Variants in ZNF804B observed in about 807,000 individuals in gnomAD.
The protein encoded by ZNF804B is zinc finger protein 804B.
Under a neutral mutation model 101.4 loss-of-function variants are expected in ZNF804B, and 80 were observed. The ratio of observed to expected loss-of-function variants is 0.79; its 90% CI spans 0.66 to 0.95. The LOEUF is 0.95. ZNF804B is among the 40% of genes least tolerant of loss of function. The probability of loss-of-function intolerance (pLI) is 0.00; values close to 1 mark genes in which losing one functional copy is unlikely to be tolerated. For missense variants in ZNF804B, 1,673 were observed against 1,561.9 expected (o/e 1.07, Z -1.20); for synonymous variants, 622 against 558.8 (o/e 1.11, Z -1.59).
At chr7:89,203,593 T>C (rs989544378) in intron 1 of ZNF804B, among the ~76,000 whole-genome samples, 2 of 152,108 alleles carry the variant, frequency 1.3e-5, no homozygotes, top group Non-Finnish European at 2.9e-5. Context: ...ATTCTCTAAG[T>C]TTGAAATTAA....
intron 1 of ZNF804B, among the ~76,000 whole-genome samples, chr7:89,033,574 G>T (rs149738780): frequency 6.6e-6 from 1 of 151,830 alleles, no homozygotes; most frequent in Admixed American, 6.6e-5. Context: ...TTAAATTCCC[G>T]CCAACAGTGT....
chr7:89,064,200 G>A (rs1451441897), intron 1 of ZNF804B, among the ~76,000 whole-genome samples: 1 of 152,066 alleles, frequency 6.6e-6, no homozygotes, highest in Non-Finnish European at 1.5e-5. Flanking sequence ...AAATGACTGG[G>A]CTTTTATAAG....
At chr7:88,970,998 AAAAT>A (rs953765177) in intron 1 of ZNF804B, among the ~76,000 whole-genome samples, 1 of 151,108 alleles carries the variant, frequency 6.6e-6, no homozygotes, top group Non-Finnish European at 1.5e-5. Flanking sequence ...AGAACAAAAA[AAAAT>A]AAATAAAATA....
intron 2 of ZNF804B, among the ~76,000 whole-genome samples, chr7:89,257,172 A>G (rs997127375): frequency 5.9e-5 from 9 of 152,158 alleles, no homozygotes; most frequent in Non-Finnish European, 2.9e-5. Flanking sequence ...ACTGAACTAT[A>G]GGATGGAGTT....
intron 1 of ZNF804B, among the ~76,000 whole-genome samples, chr7:89,046,880 GTTA>G (rs1789117478): frequency 6.6e-6 from 1 of 151,892 alleles, no homozygotes; most frequent in Non-Finnish European, 1.5e-5. Flanking sequence ...GTGCAGTCCA[GTTA>G]TTATGATCAA....
intron 1 of ZNF804B, among the ~76,000 whole-genome samples, chr7:88,893,644 T>C (rs901795255): frequency 6.6e-5 from 10 of 152,090 alleles, no homozygotes; most frequent in African/African-American, 1.9e-4. Flanking sequence ...CCAAAGGTAA[T>C]AGGCATAAGG....
At chr7:89,156,943 G>A (rs1386192458) in intron 1 of ZNF804B, among the ~76,000 whole-genome samples, 3 of 152,102 alleles carry the variant, frequency 2.0e-5, no homozygotes, top group Admixed American at 6.6e-5. Context: ...GGAGGAAGGA[G>A]GAGGGAGAAG....
chr7:88,832,228 TATC>T (rs1325821689), intron 1 of ZNF804B, among the ~76,000 whole-genome samples: 2 of 151,864 alleles, frequency 1.3e-5, no homozygotes, highest in East Asian at 3.9e-4. Flanking sequence ...TACAAACAAT[TATC>T]ATAATCATTT....
At chr7:88,929,492 A>G (rs1792851564) in intron 1 of ZNF804B, among the ~76,000 whole-genome samples, 1 of 152,130 alleles carries the variant, frequency 6.6e-6, no homozygotes, top group Middle Eastern at 3.4e-3. Context: ...GATTTCCAAT[A>G]ATGCCATGGA....
rs558442457 is a variant in ZNF804B, at chr7:89,216,838, T to C, written c.109-1317T>C. Among the ~76,000 whole-genome samples the C allele has an allele frequency of 7.6e-4, 116 of 152,330 alleles. No individual in the cohort carries two copies. In the Middle Eastern group the frequency reaches 0.017, roughly 22 times the overall value. ...TGACCCGATTTCTTTCTATTGAGGG[T>C]AGTCGTTTTGGAGAAACAAAGATAA... On this transcript the variant is annotated intron_variant, in intron 1 of 3. Transcript: ENST00000333190.
In ZNF804B at chr7:88,890,435, G is replaced by A. The variant is rs150089038; in HGVS notation, c.108+130351G>A. Among the ~76,000 whole-genome samples the A allele has an allele frequency of 7.6e-4, 115 of 152,212 alleles. 1 individual carries two copies. The highest frequency in any genetic ancestry group is 2.6e-3 in the African/African-American group (109 of 41,560). On this transcript the variant is annotated intron_variant, in intron 1 of 3. Coordinates refer to ENST00000333190, the MANE Select transcript of ZNF804B (RefSeq NM_181646.5). Reference sequence around the variant, plus strand: ...GTATTGCATGGTAAGACCATGTTCAGCTTTGTAAATTGCCAAAATGTCTTC... The same window carrying A: ...GTATTGCATGGTAAGACCATGTTCAACTTTGTAAATTGCCAAAATGTCTTC...
chr7:88,887,865 T>C (rs1392295100), intron 1 of ZNF804B, among the ~76,000 whole-genome samples: 1 of 152,090 alleles, frequency 6.6e-6, no homozygotes, highest in African/African-American at 2.4e-5. Flanking sequence ...GGCTTTGATA[T>C]TAAGTTTTAC....
At chr7:89,293,223 T>C (rs900956098) in intron 2 of ZNF804B, among the ~76,000 whole-genome samples, 5 of 152,104 alleles carry the variant, frequency 3.3e-5, no homozygotes, top group African/African-American at 1.2e-4. Context: ...TCTTTTAGCT[T>C]TTTTGAAATG....
At chr7:89,161,050 C>T (rs1302870178) in intron 1 of ZNF804B, among the ~76,000 whole-genome samples, 1 of 152,048 alleles carries the variant, frequency 6.6e-6, no homozygotes. Flanking sequence ...GGACTCCAAC[C>T]ACCTTTCCTG....
At chr7:88,998,628 C>A (rs772946083) in intron 1 of ZNF804B, among the ~76,000 whole-genome samples, 4 of 151,974 alleles carry the variant, frequency 2.6e-5, no homozygotes, top group Non-Finnish European at 5.9e-5. Context: ...GCCTGCAAAT[C>A]TGATTTTAAG....
chr7:89,069,553 A>G (rs576721491), intron 1 of ZNF804B, among the ~76,000 whole-genome samples: 2 of 152,118 alleles, frequency 1.3e-5, no homozygotes, highest in Non-Finnish European at 2.9e-5. Context: ...AAAATTTTGT[A>G]CTTTTCAAAG....
intron 1 of ZNF804B, among the ~76,000 whole-genome samples, chr7:88,812,000 T>TA (rs1423183969): frequency 2.0e-5 from 3 of 152,198 alleles, no homozygotes; most frequent in African/African-American, 7.2e-5. Context: ...TTGATGATCA[T>TA]ATACCATGTA....
Position 89,312,404 on chromosome 7 carries a change from G to A in ZNF804B, c.250-14940G>A, listed in dbSNP as rs1425179497. ...ATTCACATTCTAGCACATGTCGAAC[G>A]AATCCTCCAGGAATTATCATAACCA... On this transcript the variant is annotated intron_variant, in intron 2 of 3. Coordinates refer to ENST00000333190, the MANE Select transcript of ZNF804B (RefSeq NM_181646.5). Among the ~76,000 whole-genome samples the A allele has an allele frequency of 2.0e-5, 3 of 152,230 alleles. No homozygotes were observed. In the South Asian group the frequency reaches 6.2e-4, roughly 32 times the overall value.
At chr7:89,045,234 G>C (rs1206437965) in intron 1 of ZNF804B, among the ~76,000 whole-genome samples, 5 of 152,210 alleles carry the variant, frequency 3.3e-5, no homozygotes, top group Non-Finnish European at 5.9e-5. Context: ...CCTCCACCTA[G>C]ATTTCAGACG....
Sources: allele counts gnomAD v4.1 joint callset (sites outside exome capture counted in the v4.1 genomes callset), GRCh38; gene constraint gnomAD v4.1.1; transcripts MANE v1.5; gene names NCBI Gene and HGNC (gene_info 2026-07-23, HGNC 2026-07-21).